The following NRCAM variants were observed in gnomAD, a reference collection of about 807,000 sequenced individuals.
NRCAM encodes the protein neuronal cell adhesion molecule, also known as NgCAM-related cell adhesion molecule.
NRCAM carries 83 observed loss-of-function variants against 156.5 expected under a neutral mutation model. The observed-to-expected ratio is 0.53, with a 90% CI of 0.44 to 0.64. The LOEUF is 0.64. Ranked by LOEUF, NRCAM falls within the 30% of genes least tolerant of loss-of-function variation. The pLI, the probability that NRCAM is intolerant of heterozygous loss-of-function variation, is 0.00. For synonymous variants in NRCAM, 538 were observed against 563.9 expected, an observed-to-expected ratio of 0.95 and a Z score of 0.65; for missense variants, 1,417 against 1,597.3, an observed-to-expected ratio of 0.89 and a Z score of 1.92.
intron 1 of NRCAM, among the ~76,000 whole-genome samples, chr7:108,417,963 G>C (rs965248189): frequency 6.6e-6 from 1 of 152,152 alleles, no homozygotes; most frequent in Non-Finnish European, 1.5e-5. Flanking sequence ...TAGCCATTTA[G>C]CACTGAAAGT....
intron 1 of NRCAM, among the ~76,000 whole-genome samples, chr7:108,446,060 A>C (rs1843786015): frequency 6.6e-6 from 1 of 152,208 alleles, no homozygotes; most frequent in African/African-American, 2.4e-5. Context: ...AGACCTCCGG[A>C]GGAAAATGAC....
chr7:108,250,648 T>C (rs1328306059), intron 3 of NRCAM, among the ~76,000 whole-genome samples: 1 of 145,320 alleles, frequency 6.9e-6, no homozygotes, highest in Non-Finnish European at 1.5e-5. Context: ...GGTTATTAGG[T>C]ACAAAAAAAA....
chr7:108,248,481 C>T (rs564902146), intron 3 of NRCAM, among the ~76,000 whole-genome samples: 1 of 152,100 alleles, frequency 6.6e-6, no homozygotes, highest in African/African-American at 2.4e-5. Context: ...GAGAATTAAC[C>T]TCATGGTAGA....
At chr7:108,332,159 G>A (rs2154250086) in intron 2 of NRCAM, among the ~76,000 whole-genome samples, 1 of 152,292 alleles carries the variant, frequency 6.6e-6, no homozygotes, top group Middle Eastern at 3.4e-3. Flanking sequence ...ATCTGTTTCT[G>A]TAAATACTGT....
At chr7:108,361,433 A>G (rs1018380785) in intron 2 of NRCAM, among the ~76,000 whole-genome samples, 4 of 152,166 alleles carry the variant, frequency 2.6e-5, no homozygotes, top group African/African-American at 7.2e-5. Flanking sequence ...CGCCCTCCCT[A>G]ATGTGGCAGG....
chr7:108,324,977 T>C (rs982528079), intron 2 of NRCAM, among the ~76,000 whole-genome samples: 1 of 143,736 alleles, frequency 7.0e-6, no homozygotes, highest in Non-Finnish European at 1.5e-5. Context: ...CCTGATTACT[T>C]AAAAACAATA....
intron 17 of NRCAM, among the ~76,000 whole-genome samples, chr7:108,192,609 A>G (rs1346195414): frequency 6.6e-6 from 1 of 152,148 alleles, no homozygotes; most frequent in African/African-American, 2.4e-5. Flanking sequence ...GAGGCGAAGA[A>G]TAGTTCCAGC....
Position 108,237,765 on chromosome 7 carries a change from T to G in NRCAM, c.111A>C (p.Lys37Asn). 6.3e-7 allele frequency: 1 copy of G among 1,596,244 alleles called. No homozygotes were observed. Among genetic ancestry groups the G allele is most frequent in the African/African-American group, 1.3e-5 (1 of 74,432 alleles). The change falls in exon 5 of 33, where the codon AAA becomes AAC. Residue 37 changes from lysine (K) to asparagine (N), a missense_variant. Physicochemically the swap from Lys to Asn is moderately conservative, Grantham distance 94 (BLOSUM62 0). Around this residue, in one of 2 missense-constraint regions of NRCAM, gnomAD observed 1,238 missense variants for 1,336.4 expected, o/e 0.93. Coordinates refer to ENST00000379028, the MANE Select transcript of NRCAM (RefSeq NM_001037132.4). ...AAGGACACTTACAGTCTTCAAGAAGTTTTGCTTTTTCCCCATCAATATCAG... is the reference window on the plus strand; with the variant it reads ...AAGGACACTTACAGTCTTCAAGAAGGTTTGCTTTTTCCCCATCAATATCAG... ...ISALEVPLDP[K>N]LLEDLVQPPT...
At chr7:108,266,301 C>T (rs1277001223) in intron 3 of NRCAM, among the ~76,000 whole-genome samples, 4 of 152,172 alleles carry the variant, frequency 2.6e-5, no homozygotes, top group Non-Finnish European at 5.9e-5. Context: ...GGACCATTTC[C>T]TAAAGTTGTA....
At chr7:108,326,275 A>G (rs529786421) in intron 2 of NRCAM, among the ~76,000 whole-genome samples, 8 of 152,316 alleles carry the variant, frequency 5.3e-5, no homozygotes, top group Non-Finnish European at 7.3e-5. Context: ...GTATATTGGT[A>G]CCAAAGACAA....
chr7:108,402,154 C>A (rs921386264), intron 1 of NRCAM, among the ~76,000 whole-genome samples: 2 of 152,172 alleles, frequency 1.3e-5, no homozygotes, highest in African/African-American at 4.8e-5. Flanking sequence ...CAACTGAAAT[C>A]TCTGGAACAT....
At chr7:108,215,506 C>T (rs890889819) in intron 11 of NRCAM, among the ~76,000 whole-genome samples, 4 of 152,078 alleles carry the variant, frequency 2.6e-5, no homozygotes, top group Admixed American at 6.6e-5. Context: ...TGAGCCACCG[C>T]GCCTGGCCAT....
At chr7:108,422,459 T>G (rs768249094) in intron 1 of NRCAM, among the ~76,000 whole-genome samples, 13 of 152,158 alleles carry the variant, frequency 8.5e-5, no homozygotes, top group Non-Finnish European at 1.9e-4. Context: ...ACTTACTGTA[T>G]CCCTTTGGCC....
intron 1 of NRCAM, among the ~76,000 whole-genome samples, chr7:108,423,641 T>A (rs1597457298): frequency 6.6e-6 from 1 of 152,212 alleles, no homozygotes; most frequent in Admixed American, 6.5e-5. Flanking sequence ...CTAACAAAGA[T>A]ACATGTTAAT....
intron 1 of NRCAM, among the ~76,000 whole-genome samples, chr7:108,435,793 C>T (rs1226612053): frequency 6.6e-6 from 1 of 152,200 alleles, no homozygotes; most frequent in Non-Finnish European, 1.5e-5. Flanking sequence ...CTGGGCACAT[C>T]AAAGTCAAAC....
At chr7:108,180,541 G>C in intron 24 of NRCAM, 114 bp from the exon 25 acceptor site, 1 of 773,388 alleles carries the variant, frequency 1.3e-6, no homozygotes, top group Non-Finnish European at 2.1e-6. Context: ...TATTTTAGAA[G>C]AAAATTACTA....
rs1281640949 is a variant in NRCAM, at chr7:108,446,397, A to G, written c.-332+9846T>C. Among the ~76,000 whole-genome samples, 3 of 152,214 alleles carry G rather than the reference A, an allele frequency of 2.0e-5. No homozygotes were observed. The East Asian group carries it at 5.8e-4, about 29-fold the overall frequency. On this transcript the variant is annotated intron_variant, in intron 1 of 32. Transcript: ENST00000379028. ...ACAAAACCCCCCAATTTTCCCCAAC[A>G]AAGATCCACCTGACATTCTGACATT...
At chr7:108,299,414 C>A (rs1388498868) in intron 3 of NRCAM, among the ~76,000 whole-genome samples, 1 of 152,100 alleles carries the variant, frequency 6.6e-6, no homozygotes, top group Non-Finnish European at 1.5e-5. Context: ...AAGGTCAGAC[C>A]TGTGAGCAAA....
intron 3 of NRCAM, among the ~76,000 whole-genome samples, chr7:108,254,079 C>A (rs1282652350): frequency 6.6e-6 from 1 of 152,102 alleles, no homozygotes; most frequent in Admixed American, 6.5e-5. Flanking sequence ...TATCTCGCAA[C>A]CTTAGTTAGG....
Sources: gnomAD v4.1 joint callset for allele counts (sites outside exome capture counted in the v4.1 genomes callset) on GRCh38, gnomAD v4.1.1 for gene constraint, gnomAD v4.1.1 regional missense constraint, MANE v1.5 for transcripts, NCBI Gene and HGNC (gene_info 2026-07-23, HGNC 2026-07-21) for gene names.